SPTBN1: variants seen among roughly 807,000 people sequenced by gnomAD.
SPTBN1 encodes spectrin beta, non-erythrocytic 1.
A neutral mutation model predicts 266.4 loss-of-function variants in SPTBN1; 32 were observed. The ratio of observed to expected loss-of-function variants is 0.12; its 90% confidence interval spans 0.09 to 0.16. The LOEUF (loss-of-function observed/expected upper bound fraction) is 0.16. Ranked by LOEUF, SPTBN1 falls within the 10% of genes least tolerant of loss-of-function variation. The pLI, the probability that SPTBN1 is intolerant of heterozygous loss-of-function variation, is 1.00. For missense variants in SPTBN1, 2,296 were observed against 3,067.1 expected (o/e 0.75, Z 5.94); for synonymous variants, 1,336 against 1,162.2 (o/e 1.15, Z -3.04).
At chr2:54,482,873 A>C (rs1668169861) in intron 1 of SPTBN1, among the ~76,000 whole-genome samples, 1 of 152,222 alleles carries the variant, frequency 6.6e-6, no homozygotes, top group South Asian at 2.1e-4. Context: ...GAGTCACTCC[A>C]TACTTTTTTA....
chr2:54,646,532 G>T lies in SPTBN1; in HGVS notation c.4866+57G>T. ...GGAGAGCCTCAGATTCAAACCCTGG[G>T]CACACTTTCTGCTGGCGGCTCTGTC... is the stretch of plus-strand genomic sequence containing the variant. On this transcript the variant is annotated intron_variant, in intron 23 of 35. Coordinates refer to ENST00000356805, the MANE Select transcript of SPTBN1 (RefSeq NM_003128.3). The surrounding 1 kb of genome is among the most constrained non-coding windows in gnomAD (Gnocchi z 4.4). 1 of 1,433,754 alleles carries T rather than the reference G, an allele frequency of 7.0e-7. No homozygotes were observed. The highest frequency in any genetic ancestry group is 9.1e-7 in the Non-Finnish European group (1 of 1,093,138). The allele number at this position is 1,433,754 out of a possible 1,614,324, so 88.8% of individuals were successfully genotyped here.
At chr2:54,557,797 G>A (rs1672974202) in intron 2 of SPTBN1, 1 of 985,380 alleles carries the variant, frequency 1.0e-6, no homozygotes, top group Admixed American at 6.1e-5. Context: ...GGCAGCGTAA[G>A]TCAGCCGAGA....
chr2:54,525,059 C>T (rs541381722), intron 1 of SPTBN1, among the ~76,000 whole-genome samples: 11 of 152,232 alleles, frequency 7.2e-5, no homozygotes, highest in African/African-American at 2.6e-4. Context: ...TCATTTTTAT[C>T]CCTAGCATCT....
rs1238686311 is a variant in SPTBN1, at chr2:54,484,187, A to G, written c.-48+27669A>G. Reference sequence around the variant, plus strand: ...GGGGACAGAGTGAGACCCTGTCTCAACAACAAAACAAAACCAAATATGTCT... The same window carrying G: ...GGGGACAGAGTGAGACCCTGTCTCAGCAACAAAACAAAACCAAATATGTCT... On this transcript the variant is annotated intron_variant, in intron 1 of 35. Coordinates refer to ENST00000356805, the MANE Select transcript of SPTBN1 (RefSeq NM_003128.3). Among the ~76,000 whole-genome samples the G allele has an allele frequency of 2.6e-5, 4 of 152,344 alleles. No homozygotes were observed. In the East Asian group the frequency reaches 5.8e-4, roughly 22 times the overall value.
intron 35 of SPTBN1, 26 bp downstream of exon 35, chr2:54,667,672 C>T (rs770783903): frequency 3.1e-6 from 5 of 1,607,974 alleles, no homozygotes; most frequent in Non-Finnish European, 4.3e-6. Context: ...TTATTTCTCT[C>T]CACTACTTAG....
At chr2:54,621,200 A>T (rs1380525308) in intron 7 of SPTBN1, among the ~76,000 whole-genome samples, 200 bp from the exon 8 acceptor site, 1 of 152,200 alleles carries the variant, frequency 6.6e-6, no homozygotes, top group African/African-American at 2.4e-5. Context: ...TTTCATGAAT[A>T]TTCACATAAT....
At chr2:54,577,526 TTGG>T (rs1674574872) in intron 2 of SPTBN1, among the ~76,000 whole-genome samples, 1 of 152,186 alleles carries the variant, frequency 6.6e-6, no homozygotes, top group African/African-American at 2.4e-5. Flanking sequence ...TAGCCCTGTA[TTGG>T]TGGTGGTACT....
chr2:54,656,232 T>C (rs1680645752), intron 29 of SPTBN1, among the ~76,000 whole-genome samples: 1 of 152,170 alleles, frequency 6.6e-6, no homozygotes, highest in African/African-American at 2.4e-5. Flanking sequence ...ATTTGGATGT[T>C]CTTTAGGGAT....
intron 2 of SPTBN1, among the ~76,000 whole-genome samples, chr2:54,597,598 C>G (rs1676176462): frequency 6.6e-6 from 1 of 152,218 alleles, no homozygotes; most frequent in Admixed American, 6.5e-5. Flanking sequence ...GGTGCCCCAG[C>G]TGATTCTCCT....
At chr2:54,511,072 C>A (rs17580255) in intron 1 of SPTBN1, among the ~76,000 whole-genome samples, 5,869 of 152,272 alleles carry the variant, frequency 0.039, 150 homozygotes, top group Admixed American at 0.088. Context: ...TCTGGCCCCA[C>A]AGTAGACATA....
chr2:54,627,007 C>T (rs1397378188), intron 12 of SPTBN1, among the ~76,000 whole-genome samples: 2 of 149,482 alleles, frequency 1.3e-5, no homozygotes, highest in African/African-American at 2.4e-5. Flanking sequence ...GCCTTGTAGA[C>T]AGAAGAAAAT....
chr2:54,667,116 A>T (rs1378965805), intron 34 of SPTBN1, among the ~76,000 whole-genome samples: 1 of 152,202 alleles, frequency 6.6e-6, no homozygotes, highest in East Asian at 1.9e-4. Flanking sequence ...TGTCACACTA[A>T]TAGGGCTTCT....
chr2:54,642,529 G>GTTTTTT (rs531997353), intron 18 of SPTBN1, among the ~76,000 whole-genome samples: 12 of 92,306 alleles, frequency 1.3e-4, no homozygotes, highest in African/African-American at 3.1e-4. Flanking sequence ...TAAATAAGTA[G>GTTTTTT]TTTTTTTTTT....
chr2:54,526,209 C>G (rs1175423361), intron 1 of SPTBN1, among the ~76,000 whole-genome samples, 163 bp from the exon 2 acceptor site: 1 of 152,192 alleles, frequency 6.6e-6, no homozygotes, highest in Non-Finnish European at 1.5e-5. Context: ...TAAGGTCACA[C>G]ATCTATTATG....
Position 54,670,450 on chromosome 2 carries a change from C to G in SPTBN1, c.*1881C>G. The stretch of plus-strand genomic sequence containing the variant: ...CCTGGGCTCCACAGCTGCGTGGCAT[C>G]AAAGCTTTCTCTTAACTCTCTTACC... On this transcript the variant is annotated 3_prime_UTR_variant, in exon 36 of 36. Transcript: ENST00000356805. 5.4e-6 allele frequency: 2 copies of G among 372,280 alleles called. No individual in the cohort carries two copies. The highest frequency in any genetic ancestry group is 3.8e-5 in the East Asian group (1 of 26,046). The allele number at this position is 372,280 out of a possible 1,614,324, so 23.1% of individuals were successfully genotyped here.
chr2:54,469,836 A>G (rs371919895), intron 1 of SPTBN1, among the ~76,000 whole-genome samples: 8 of 152,300 alleles, frequency 5.3e-5, no homozygotes, highest in Admixed American at 2.0e-4. Flanking sequence ...CAAGATTGAC[A>G]AGTCTGTGCT....
intron 1 of SPTBN1, among the ~76,000 whole-genome samples, chr2:54,487,303 T>A (rs1277058591): frequency 6.6e-6 from 1 of 151,856 alleles, no homozygotes; most frequent in Non-Finnish European, 1.5e-5. Flanking sequence ...TTTCACGTAA[T>A]GAAATTAAGC....
chr2:54,555,293 T>G lies in SPTBN1; in HGVS notation c.148+28727T>G, dbSNP rs567273451. Among the ~76,000 whole-genome samples, 35 of 152,266 alleles carry G rather than the reference T, an allele frequency of 2.3e-4. No individual in the cohort carries two copies. In the East Asian group the frequency reaches 6.6e-3, roughly 29 times the overall value. Reference sequence around the variant, plus strand: ...TTCAGTTTTGAGCTCTAGTTCCACATCCCTGACTGCTCCAGACATGTCACC... The same window carrying G: ...TTCAGTTTTGAGCTCTAGTTCCACAGCCCTGACTGCTCCAGACATGTCACC... On this transcript the variant is annotated intron_variant, in intron 2 of 35. Coordinates refer to ENST00000356805, the MANE Select transcript of SPTBN1 (RefSeq NM_003128.3).
At chr2:54,661,395 CTA>C in intron 32 of SPTBN1, 1 of 985,806 alleles carries the variant, frequency 1.0e-6, no homozygotes, top group Non-Finnish European at 1.2e-6. Flanking sequence ...TATGTGTTCT[CTA>C]TGAGTTAAGT....
Sources: allele counts gnomAD v4.1 joint callset (sites outside exome capture counted in the v4.1 genomes callset), GRCh38; gene constraint gnomAD v4.1.1; non-coding constraint Gnocchi (gnomAD v3.1); transcripts MANE v1.5; gene names NCBI Gene and HGNC (gene_info 2026-07-23, HGNC 2026-07-21).